The following CHMP3 variants were observed in gnomAD, a reference collection of about 807,000 sequenced individuals.
CHMP3 encodes 25.1 protein.
In CHMP3, 8 loss-of-function variants were observed where a neutral mutation model predicts 27.4. The ratio of observed to expected loss-of-function variants is 0.29; its 90% CI spans 0.17 to 0.53. The LOEUF (loss-of-function observed/expected upper bound fraction) is 0.53. CHMP3 is among the 20% of genes least tolerant of loss of function. CHMP3 has a pLI of 0.96. For synonymous variants in CHMP3, 86 were observed against 85.5 expected, an observed-to-expected ratio of 1.01 and a Z score of -0.03; for missense variants, 208 against 271.5, an observed-to-expected ratio of 0.77 and a Z score of 1.64.
chr2:86,532,622 T>C (rs1217341559), intron 2 of CHMP3, among the ~76,000 whole-genome samples: 1 of 152,128 alleles, frequency 6.6e-6, no homozygotes, highest in Non-Finnish European at 1.5e-5. Context: ...CTATTCCTAG[T>C]TGTTGTTTTT....
chr2:86,557,368 C>T (rs1211734815), intron 1 of CHMP3, among the ~76,000 whole-genome samples: 1 of 152,198 alleles, frequency 6.6e-6, no homozygotes, highest in African/African-American at 2.4e-5. Flanking sequence ...ATTCCCATTG[C>T]CATTCTAAGG....
At chr2:86,543,793 C>T (rs918377942) in intron 1 of CHMP3, among the ~76,000 whole-genome samples, 1 of 152,192 alleles carries the variant, frequency 6.6e-6, no homozygotes, top group Admixed American at 6.5e-5. Flanking sequence ...TACTTATGCA[C>T]TTAAAACTGT....
intron 3 of CHMP3, among the ~76,000 whole-genome samples, chr2:86,525,154 G>A (rs184407206): frequency 0.11 from 16,921 of 152,084 alleles, 1,138 homozygotes; most frequent in Non-Finnish European, 0.16. Flanking sequence ...AATGTTAGCA[G>A]TTCCCCTGTT....
intron 1 of CHMP3, among the ~76,000 whole-genome samples, chr2:86,548,177 CT>C (rs1676688233): frequency 8.7e-6 from 1 of 115,066 alleles, no homozygotes; most frequent in African/African-American, 3.8e-5. Flanking sequence ...AGGAGGAGTT[CT>C]CTTTTTTTTT....
At chr2:86,542,117 A>C in intron 2 of CHMP3, 135 bp downstream of exon 2, 2 of 894,574 alleles carry the variant, frequency 2.2e-6, no homozygotes, top group East Asian at 2.9e-5. Flanking sequence ...AAAAAGCAAA[A>C]TCAGTCAGAC....
chr2:86,533,973 T>A (rs1676024030), intron 2 of CHMP3, among the ~76,000 whole-genome samples: 1 of 152,208 alleles, frequency 6.6e-6, no homozygotes. Flanking sequence ...TTAATTTCCA[T>A]ACATCTGTGA....
intron 4 of CHMP3, 79 bp downstream of exon 4, chr2:86,510,279 C>CAAACCAAT: frequency 8.1e-7 from 1 of 1,239,836 alleles, no homozygotes; most frequent in Non-Finnish European, 1.1e-6. Context: ...TCCCCACCCA[C>CAAACCAAT]CCTCATCCCT....
At chr2:86,555,451 G>A (rs192786042) in intron 1 of CHMP3, among the ~76,000 whole-genome samples, 14 of 150,812 alleles carry the variant, frequency 9.3e-5, no homozygotes, top group African/African-American at 2.7e-4. Flanking sequence ...GCAGTGAGCC[G>A]AGATCGCACC....
intron 1 of CHMP3, among the ~76,000 whole-genome samples, chr2:86,559,000 T>C (rs537645149): frequency 6.6e-6 from 1 of 152,174 alleles, no homozygotes; most frequent in South Asian, 2.1e-4. Context: ...TAATTTTAGG[T>C]ATCTCCTCAG....
At chr2:86,541,819 G>C (rs760280146) in intron 2 of CHMP3, among the ~76,000 whole-genome samples, 6 of 152,222 alleles carry the variant, frequency 3.9e-5, no homozygotes, top group Non-Finnish European at 8.8e-5. Flanking sequence ...AATCATGAAA[G>C]TGTTAAAAAC....
Position 86,549,960 on chromosome 2 carries a change from A to G in CHMP3, c.46-7648T>C, listed in dbSNP as rs1348649752. On this transcript the variant is annotated intron_variant, in intron 1 of 5. Transcript: ENST00000263856. The stretch of plus-strand genomic sequence containing the variant: ...GGGCGGCTGGGCTGATACGCTCCTC[A>G]CTTCCCAGACGGGGTGGCGGCCGGG... Among the ~76,000 whole-genome samples, 7 of 151,394 alleles carry G rather than the reference A, an allele frequency of 4.6e-5. No homozygotes were observed. The East Asian group carries it at 1.2e-3, about 26-fold the overall frequency.
At chr2:86,538,070 C>T (rs564394493) in intron 2 of CHMP3, among the ~76,000 whole-genome samples, 133 of 152,174 alleles carry the variant, frequency 8.7e-4, no homozygotes, top group African/African-American at 2.9e-3. Flanking sequence ...ATACAGACAA[C>T]GGAATATTAC....
At position 86,510,415 on chromosome 2, in the gene CHMP3, A is replaced by T. The variant is rs1558643604; in HGVS notation, c.351T>A (p.Leu117=). 1 of 1,613,942 alleles carries T rather than the reference A, an allele frequency of 6.2e-7. No individual in the cohort carries two copies. The highest frequency in any genetic ancestry group is 8.5e-7 in the Non-Finnish European group (1 of 1,180,032). ...STEVMKAMQS[L]VKIPEIQATM... is the part of the protein sequence containing the mutation. ...TGGCCTGAATCTCTGGAATCTTCAC[A>T]AGACTTTGCATGGCCTTCATCACTT... Residue 117 remains leucine (L), a synonymous_variant, in exon 4 of 6, where the codon CTT becomes CTA. Transcript: ENST00000263856.
chr2:86,544,620 G>C (rs1034671512), intron 1 of CHMP3, among the ~76,000 whole-genome samples: 2 of 152,132 alleles, frequency 1.3e-5, no homozygotes, highest in Non-Finnish European at 2.9e-5. Context: ...ATTTAACCCT[G>C]AGTTGACACA....
At chr2:86,519,070 C>G (rs1573250002) in intron 3 of CHMP3, among the ~76,000 whole-genome samples, 1 of 152,012 alleles carries the variant, frequency 6.6e-6, no homozygotes, top group East Asian at 1.9e-4. Flanking sequence ...TGTTTCTTAT[C>G]CACCATAAAA....
At chr2:86,515,230 G>C (rs1573244067) in intron 3 of CHMP3, 2 of 152,050 alleles carry the variant, frequency 1.3e-5, no homozygotes, top group African/African-American at 4.8e-5. Context: ...TCAGAAGTTT[G>C]TATTTATCCT....
At chr2:86,563,260 C>A (rs766143993) in intron 1 of CHMP3, 44 bp downstream of exon 1, 1 of 1,610,572 alleles carries the variant, frequency 6.2e-7, no homozygotes, top group Non-Finnish European at 8.5e-7. Context: ...TCACTACGCC[C>A]CACACAGATC....
At chr2:86,559,331 G>A (rs1677255446) in intron 1 of CHMP3, among the ~76,000 whole-genome samples, 1 of 152,156 alleles carries the variant, frequency 6.6e-6, no homozygotes, top group African/African-American at 2.4e-5. Context: ...TTCAACCCTG[G>A]ACTGAGCTAC....
chr2:86,527,431 T>A (rs933894708), intron 3 of CHMP3, among the ~76,000 whole-genome samples: 5 of 152,134 alleles, frequency 3.3e-5, no homozygotes, highest in African/African-American at 1.2e-4. Context: ...AACAAGCTTA[T>A]CATGGTCAAC....
Sources: allele counts gnomAD v4.1 joint callset (sites outside exome capture counted in the v4.1 genomes callset), GRCh38; gene constraint gnomAD v4.1.1; transcripts MANE v1.5; gene names NCBI Gene and HGNC (gene_info 2026-07-23, HGNC 2026-07-21).